NAV2: variants seen among roughly 807,000 people sequenced by gnomAD.
NAV2 encodes neuron navigator 2.
Under a neutral mutation model 223.2 loss-of-function variants are expected in NAV2, and 54 were observed. The observed-to-expected ratio is 0.24, with a 90% CI of 0.19 to 0.30. The LOEUF (loss-of-function observed/expected upper bound fraction) is 0.30, where lower values mean the gene tolerates loss of function less well. NAV2 is among the 10% of genes least tolerant of loss of function. NAV2 has a pLI of 1.00. For missense variants in NAV2, 2,806 were observed against 3,147.5 expected, an observed-to-expected ratio of 0.89 and a Z score of 2.60; for synonymous variants, 1,279 against 1,239.3, an observed-to-expected ratio of 1.03 and a Z score of -0.67.
At chr11:19,719,335 A>C (rs965923687) in intron 1 of NAV2, among the ~76,000 whole-genome samples, 14 of 152,190 alleles carry the variant, frequency 9.2e-5, no homozygotes, top group African/African-American at 3.1e-4. Context: ...TTTTGTGAGA[A>C]AGCAGAGGCC....
chr11:19,418,812 T>C (rs1457602080), intron 1 of NAV2, among the ~76,000 whole-genome samples: 7 of 152,134 alleles, frequency 4.6e-5, no homozygotes, highest in Non-Finnish European at 1.5e-5. Context: ...ATCTGCTATA[T>C]AGCTGGGTGG....
intron 1 of NAV2, among the ~76,000 whole-genome samples, chr11:19,459,448 T>C (rs1463646452): frequency 6.6e-6 from 1 of 152,204 alleles, no homozygotes; most frequent in Non-Finnish European, 1.5e-5. Context: ...GGTGATTTCC[T>C]TATACCTAAC....
At chr11:20,078,384 T>G (rs114072310) in intron 24 of NAV2, among the ~76,000 whole-genome samples, 3,153 of 152,354 alleles carry the variant, frequency 0.021, 36 homozygotes, top group African/African-American at 0.024. Context: ...AACCCTTAAT[T>G]TCACTAGCAC....
intron 17 of NAV2, among the ~76,000 whole-genome samples, chr11:20,051,764 T>C (rs1375281806): frequency 6.6e-6 from 1 of 152,156 alleles, no homozygotes; most frequent in Non-Finnish European, 1.5e-5. Context: ...TTTCCCCCAA[T>C]TTGAAAATAT....
At chr11:19,627,188 G>T (rs1258984836) in intron 1 of NAV2, among the ~76,000 whole-genome samples, 1 of 152,152 alleles carries the variant, frequency 6.6e-6, no homozygotes, top group Non-Finnish European at 1.5e-5. Context: ...AGGAGTTCGA[G>T]ACCAGCCTAG....
intron 1 of NAV2, among the ~76,000 whole-genome samples, chr11:19,692,863 A>G (rs2049220227): frequency 6.6e-6 from 1 of 152,214 alleles, no homozygotes; most frequent in Non-Finnish European, 1.5e-5. Flanking sequence ...GCAGCAAACA[A>G]GCTGATAGCA....
At chr11:19,624,121 C>T (rs763828085) in intron 1 of NAV2, among the ~76,000 whole-genome samples, 5 of 152,144 alleles carry the variant, frequency 3.3e-5, no homozygotes, top group Admixed American at 6.5e-5. Context: ...CTGATTGTTC[C>T]TCTGGAAGCT....
intron 1 of NAV2, among the ~76,000 whole-genome samples, chr11:19,573,178 T>G (rs2045472717): frequency 6.6e-6 from 1 of 152,172 alleles, no homozygotes; most frequent in Admixed American, 6.5e-5. Flanking sequence ...GTGGCTACCT[T>G]CATCACTTCC....
intron 1 of NAV2, among the ~76,000 whole-genome samples, chr11:19,415,730 G>A (rs1020421921): frequency 7.2e-5 from 11 of 152,192 alleles, no homozygotes; most frequent in Admixed American, 2.0e-4. Flanking sequence ...GCAGCACATC[G>A]AAAAGCTAAT....
intron 8 of NAV2, among the ~76,000 whole-genome samples, chr11:19,945,115 C>CCTCTTTCTTTCTTTCTT (rs751353656): frequency 1.5e-5 from 2 of 129,420 alleles, no homozygotes; most frequent in African/African-American, 3.0e-5. Flanking sequence ...TTCTTTTTTT[C>CCTCTTTCTTTCTTTCTT]TCTTTCTTTC....
chr11:20,028,568 A>G (rs924877326), intron 11 of NAV2, among the ~76,000 whole-genome samples: 7 of 152,170 alleles, frequency 4.6e-5, no homozygotes, highest in Admixed American at 3.3e-4. Context: ...GCTGATCTGT[A>G]TGTACTATAG....
intron 11 of NAV2, among the ~76,000 whole-genome samples, chr11:20,014,309 T>G (rs2053825654): frequency 6.6e-6 from 1 of 152,160 alleles, no homozygotes; most frequent in Non-Finnish European, 1.5e-5. Flanking sequence ...CACTGAAACA[T>G]TTTCTTCATT....
intron 2 of NAV2, among the ~76,000 whole-genome samples, chr11:19,835,949 C>G (rs1477767783): frequency 6.6e-6 from 1 of 152,080 alleles, no homozygotes; most frequent in Admixed American, 6.6e-5. Flanking sequence ...GACACAGAAC[C>G]AGAGGGACCT....
At chr11:20,010,526 G>A (rs552601572) in intron 11 of NAV2, among the ~76,000 whole-genome samples, 74 of 152,024 alleles carry the variant, frequency 4.9e-4, no homozygotes, top group African/African-American at 1.7e-3. Context: ...TTTAATTTGC[G>A]AATTTTGAAA....
intron 11 of NAV2, among the ~76,000 whole-genome samples, 162 bp from the exon 12 acceptor site, chr11:20,035,797 A>T (rs564856097): frequency 6.6e-6 from 1 of 152,298 alleles, no homozygotes; most frequent in East Asian, 1.9e-4. Flanking sequence ...GACAGCAATG[A>T]TTGATGTGGA....
chr11:19,741,683 GTGTGTATATATATA>G (rs1375668490), intron 1 of NAV2, among the ~76,000 whole-genome samples: 2 of 16,810 alleles, frequency 1.2e-4, no homozygotes, highest in Non-Finnish European at 1.5e-4. Context: ...TCATGTGTGT[GTGTGTATATATATA>G]TATATATATA....
chr11:19,749,920 T>C (rs1383414322), intron 1 of NAV2, among the ~76,000 whole-genome samples: 1 of 152,228 alleles, frequency 6.6e-6, no homozygotes, highest in Non-Finnish European at 1.5e-5. Context: ...TCAGATACTT[T>C]GTTTCTGCTG....
At chr11:20,064,506 A>G (rs1387034292) in intron 20 of NAV2, among the ~76,000 whole-genome samples, 2 of 152,192 alleles carry the variant, frequency 1.3e-5, no homozygotes, top group Admixed American at 6.5e-5. Flanking sequence ...AAGAGTAAAA[A>G]AATGGGAGAC....
At position 19,933,728 on chromosome 11, in the gene NAV2, A is replaced by G. The variant is rs765430584; in HGVS notation, c.1484A>G (p.Glu495Gly). The G allele has an allele frequency of 6.2e-7, 1 of 1,614,192 alleles. No individual in the cohort carries two copies. Among genetic ancestry groups the G allele is most frequent in the South Asian group, 1.1e-5 (1 of 91,080 alleles). Reference sequence around the variant, plus strand: ...AAAGAGAAGGAGAAACAACAGCGGGAGAAGGATAAGGAGAAAAGCAAGGAC... The same window carrying G: ...AAAGAGAAGGAGAAACAACAGCGGGGGAAGGATAAGGAGAAAAGCAAGGAC... ...NEKEKEKQQR[E>G]KDKEKSKDLA... The change falls in exon 7 of 38, where the codon GAG (glutamate) becomes GGG (glycine). Residue 495 changes from glutamate to glycine, a missense_variant. Around this residue, in one of 4 missense-constraint regions of NAV2, gnomAD observed 1,167 missense variants for 1,180.5 expected, o/e 0.99. Coordinates refer to ENST00000349880, the MANE Select transcript of NAV2 (RefSeq NM_145117.5). The surrounding 1 kb of genome is among the most constrained non-coding windows in gnomAD (Gnocchi z 4.3).
Sources: allele counts gnomAD v4.1 joint callset (sites outside exome capture counted in the v4.1 genomes callset), GRCh38; gene constraint gnomAD v4.1.1; regional missense constraint gnomAD v4.1.1; non-coding constraint Gnocchi (gnomAD v3.1); transcripts MANE v1.5; gene names NCBI Gene and HGNC (gene_info 2026-07-23, HGNC 2026-07-21).